UNC5A: variants seen among roughly 807,000 people sequenced by gnomAD.
UNC5A encodes the protein unc-5 netrin receptor A.
A neutral mutation model predicts 87.4 loss-of-function variants in UNC5A; 20 were observed. That is an observed-to-expected ratio of 0.23 (90% CI 0.16 to 0.33). The LOEUF is 0.33. UNC5A is among the 10% of genes least tolerant of loss of function. The probability of loss-of-function intolerance (pLI) is 1.00; values close to 1 mark genes in which losing one functional copy is unlikely to be tolerated. For missense variants in UNC5A, 844 were observed against 1,133.4 expected, an observed-to-expected ratio of 0.74 and a Z score of 3.67; for synonymous variants, 438 against 482.3, an observed-to-expected ratio of 0.91 and a Z score of 1.20.
intron 1 of UNC5A, among the ~76,000 whole-genome samples, chr5:176,858,117 G>A (rs75407401): frequency 0.033 from 4,951 of 152,320 alleles, 253 homozygotes; most frequent in African/African-American, 0.11. Flanking sequence ...GCTAATGCCC[G>A]CATTAAGCAG....
At chr5:176,843,068 G>A (rs186712817) in intron 1 of UNC5A, among the ~76,000 whole-genome samples, 144 of 151,934 alleles carry the variant, frequency 9.5e-4, no homozygotes, top group African/African-American at 2.8e-3. Flanking sequence ...GGCTGAGGCA[G>A]GAGAATCACT....
intron 1 of UNC5A, among the ~76,000 whole-genome samples, chr5:176,840,697 G>A (rs906928037): frequency 2.6e-5 from 4 of 152,184 alleles, no homozygotes; most frequent in East Asian, 1.9e-4. Context: ...TGGCCCAGGC[G>A]TCCCTGGTGC....
chr5:176,818,531 C>T (rs953930081), intron 1 of UNC5A, among the ~76,000 whole-genome samples: 1 of 152,350 alleles, frequency 6.6e-6, no homozygotes, highest in South Asian at 2.1e-4. Context: ...AACCTCAGGA[C>T]AACCTACAGG....
intron 1 of UNC5A, among the ~76,000 whole-genome samples, chr5:176,837,114 C>G (rs888292694): frequency 5.3e-5 from 8 of 152,168 alleles, no homozygotes; most frequent in Non-Finnish European, 1.2e-4. Flanking sequence ...TCCTCCCTCC[C>G]CAGTCCCTCA....
chr5:176,870,098 C>T (rs953353697), intron 5 of UNC5A, among the ~76,000 whole-genome samples: 2 of 152,164 alleles, frequency 1.3e-5, no homozygotes, highest in South Asian at 4.1e-4. Flanking sequence ...ACGAGAGAGC[C>T]CTCGCTGCCC....
intron 2 of UNC5A, among the ~76,000 whole-genome samples, chr5:176,863,397 G>T (rs935691262): frequency 6.6e-6 from 1 of 152,300 alleles, no homozygotes; most frequent in African/African-American, 2.4e-5. Flanking sequence ...CTGTCTTAGG[G>T]GATCTCAAGC....
intron 1 of UNC5A, among the ~76,000 whole-genome samples, chr5:176,814,643 G>T (rs972696430): frequency 1.3e-5 from 2 of 152,316 alleles, no homozygotes; most frequent in African/African-American, 2.4e-5. Context: ...AAGAAAGACT[G>T]AGGTATTGAG....
intron 6 of UNC5A, among the ~76,000 whole-genome samples, chr5:176,872,756 A>C (rs1461281331): frequency 1.5e-5 from 1 of 65,098 alleles, no homozygotes. Flanking sequence ...CACACTCACC[A>C]ACACCACAGC....
intron 1 of UNC5A, among the ~76,000 whole-genome samples, chr5:176,822,132 G>T (rs1333757206): frequency 6.6e-6 from 1 of 152,240 alleles, no homozygotes; most frequent in Non-Finnish European, 1.5e-5. Context: ...TACCTCATAG[G>T]GCTGCAAGGA....
rs963696077 is a variant in UNC5A, at chr5:176,875,261, C to T, written c.1378+695C>T. On this transcript the variant is annotated intron_variant, in intron 8 of 14. Coordinates refer to ENST00000329542, the MANE Select transcript of UNC5A (RefSeq NM_133369.3). The surrounding 1 kb of genome is among the most constrained non-coding windows in gnomAD (Gnocchi z 5.2). The stretch of plus-strand genomic sequence containing the variant: ...CCCCATCCTTAGCCTGCAGTTCTCC[C>T]GGGCGACAGAACTGTACACCCAGCT... 1.3e-5 allele frequency among the ~76,000 whole-genome samples: 2 copies of T among 152,278 alleles called. No homozygotes were observed. Among genetic ancestry groups the T allele is most frequent in the East Asian group, 3.9e-4 (2 of 5,184 alleles).
intron 5 of UNC5A, among the ~76,000 whole-genome samples, 155 bp from the exon 6 acceptor site, chr5:176,870,215 G>C (rs942580365): frequency 6.6e-6 from 1 of 152,222 alleles, no homozygotes; most frequent in Admixed American, 6.5e-5. Flanking sequence ...GGACACTAGA[G>C]GGCGTGCATC....
At chr5:176,822,759 G>C (rs1003561310) in intron 1 of UNC5A, among the ~76,000 whole-genome samples, 2 of 152,208 alleles carry the variant, frequency 1.3e-5, no homozygotes, top group African/African-American at 4.8e-5. Context: ...AGGGACTCAG[G>C]CTGGGACCTT....
intron 6 of UNC5A, among the ~76,000 whole-genome samples, chr5:176,872,890 C>G (rs1581277341): frequency 9.9e-6 from 1 of 100,778 alleles, no homozygotes; most frequent in Non-Finnish European, 2.2e-5. Flanking sequence ...CCCACACCTG[C>G]CCCAACACCA....
chr5:176,877,808 C>T (rs1220574553), intron 10 of UNC5A, 86 bp from the exon 11 acceptor site: 1 of 1,514,658 alleles, frequency 6.6e-7, no homozygotes, highest in Non-Finnish European at 8.9e-7. Flanking sequence ...CCCACCCCTC[C>T]CCAGTCTCCG....
Position 176,875,336 on chromosome 5 carries a change from G to A in UNC5A, c.1378+770G>A, listed in dbSNP as rs905414936. On this transcript the variant is annotated intron_variant, in intron 8 of 14. Transcript: ENST00000329542. This position sits in a 1 kb window ranked among gnomAD's most constrained non-coding sequence, Gnocchi z 5.2. ...TGTCTCACATCACCTCAGACTCCTG[G>A]TGCCTAAAACAGAACCGTCTCCCAC... 1.3e-5 allele frequency among the ~76,000 whole-genome samples: 2 copies of A among 152,050 alleles called. No individual in the cohort carries two copies.
chr5:176,867,000 G>A lies in UNC5A; in HGVS notation c.293-1130G>A, dbSNP rs931143928. ...GTGAGGAGGGGTCTGGGAAGCAGTC[G>A]GAGAAAGTCATGTTAGAGAAATTAA... is the stretch of plus-strand genomic sequence containing the variant. On this transcript the variant is annotated intron_variant, in intron 2 of 14. Coordinates refer to ENST00000329542, the MANE Select transcript of UNC5A (RefSeq NM_133369.3). The surrounding 1 kb of genome is among the most constrained non-coding windows in gnomAD (Gnocchi z 5.0). Among the ~76,000 whole-genome samples the A allele has an allele frequency of 5.3e-5, 8 of 152,214 alleles. No homozygotes were observed. In the East Asian group the frequency reaches 7.7e-4, roughly 15 times the overall value.
At chr5:176,868,381 G>A in intron 3 of UNC5A, 108 bp downstream of exon 3, 2 of 1,545,366 alleles carry the variant, frequency 1.3e-6, no homozygotes, top group South Asian at 1.1e-5. Flanking sequence ...AAACCTCACA[G>A]CCCTGCCTGG....
chr5:176,821,343 T>C (rs954432161), intron 1 of UNC5A, among the ~76,000 whole-genome samples: 2 of 152,186 alleles, frequency 1.3e-5, no homozygotes, highest in Non-Finnish European at 2.9e-5. Context: ...CCCTGGCACT[T>C]TTCTAGGGAC....
intron 1 of UNC5A, among the ~76,000 whole-genome samples, chr5:176,830,666 G>T (rs1756987627): frequency 6.8e-6 from 1 of 146,688 alleles, no homozygotes; most frequent in Non-Finnish European, 1.5e-5. Context: ...GTGTGTGCTG[G>T]TGTGTGTGGG....
Sources: allele counts gnomAD v4.1 joint callset (sites outside exome capture counted in the v4.1 genomes callset), GRCh38; gene constraint gnomAD v4.1.1; non-coding constraint Gnocchi (gnomAD v3.1); transcripts MANE v1.5; gene names NCBI Gene and HGNC (gene_info 2026-07-23, HGNC 2026-07-21).